TMEM117: variants seen among roughly 807,000 people sequenced by gnomAD.
TMEM117 encodes the protein transmembrane protein 117.
A neutral mutation model predicts 52.4 loss-of-function variants in TMEM117; 27 were observed. The observed-to-expected ratio is 0.51, with a 90% CI of 0.38 to 0.71. The LOEUF is 0.71. TMEM117 is among the 30% of genes least tolerant of loss of function. TMEM117 has a pLI of 0.00. For synonymous variants in TMEM117, 215 were observed against 206.3 expected (o/e 1.04, Z -0.36); for missense variants, 556 against 630.5 (o/e 0.88, Z 1.26).
At chr12:44,152,671 T>G (rs1253924257) in intron 4 of TMEM117, among the ~76,000 whole-genome samples, 2 of 133,232 alleles carry the variant, frequency 1.5e-5, no homozygotes, top group East Asian at 4.3e-4. Flanking sequence ...TCATATATAA[T>G]TTTTATATAT....
chr12:44,060,076 C>T (rs570627050), intron 3 of TMEM117, among the ~76,000 whole-genome samples: 11 of 152,172 alleles, frequency 7.2e-5, no homozygotes, highest in Non-Finnish European at 1.5e-4. Context: ...TATGAAGGCT[C>T]TATCCCTGGA....
intron 2 of TMEM117, among the ~76,000 whole-genome samples, chr12:43,853,321 G>T (rs1310296808): frequency 6.6e-6 from 1 of 152,160 alleles, no homozygotes; most frequent in African/African-American, 2.4e-5. Flanking sequence ...CTGTTGCCAG[G>T]CTGGAGTGCA....
intron 3 of TMEM117, among the ~76,000 whole-genome samples, chr12:44,093,632 T>C (rs1592509572): frequency 6.6e-6 from 1 of 152,236 alleles, no homozygotes; most frequent in Middle Eastern, 3.4e-3. Context: ...TAGGAAGTTA[T>C]AAACCAATCA....
intron 5 of TMEM117, chr12:44,248,588 A>C (rs1950159775): frequency 6.4e-6 from 1 of 156,694 alleles, no homozygotes; most frequent in African/African-American, 2.4e-5. Context: ...GATGTGGCAC[A>C]TGTGGGCTAG....
At chr12:43,906,444 G>T (rs2407783) in intron 2 of TMEM117, among the ~76,000 whole-genome samples, 1 of 150,486 alleles carries the variant, frequency 6.6e-6, no homozygotes, top group Non-Finnish European at 1.5e-5. Context: ...GCCTGGGTGA[G>T]GGAGTGAGAC....
intron 2 of TMEM117, among the ~76,000 whole-genome samples, chr12:43,917,833 C>T (rs1028818057): frequency 3.9e-5 from 6 of 151,998 alleles, no homozygotes; most frequent in Non-Finnish European, 8.8e-5. Context: ...ACCTTACAAT[C>T]CCCTTGTCCT....
rs190354515 is a variant in TMEM117 at position 44,352,358 on chromosome 12, A to C, written c.769-24237A>C. On this transcript the variant is annotated intron_variant, in intron 6 of 7. Transcript: ENST00000266534. ...TGTGCACAACGTGCAGGTTTGTTAC[A>C]TACGTATACCTGTGCCATGTTGGTG... 3.1e-4 allele frequency among the ~76,000 whole-genome samples: 47 copies of C among 152,200 alleles called. 1 individual carries two copies. In the East Asian group the frequency reaches 6.0e-3, roughly 19 times the overall value.
chr12:43,886,690 G>A (rs577489988), intron 2 of TMEM117, among the ~76,000 whole-genome samples: 4 of 152,216 alleles, frequency 2.6e-5, no homozygotes, highest in East Asian at 1.9e-4. Context: ...ATAGGTAAAT[G>A]TGTGTCAAGG....
intron 3 of TMEM117, among the ~76,000 whole-genome samples, chr12:43,949,838 C>T (rs10880600): frequency 0.16 from 24,454 of 151,986 alleles, 2,895 homozygotes; most frequent in African/African-American, 0.32. Context: ...AAATATCTCC[C>T]GGGGAACTGC....
At chr12:44,045,828 G>A (rs1388841412) in intron 3 of TMEM117, among the ~76,000 whole-genome samples, 1 of 152,098 alleles carries the variant, frequency 6.6e-6, no homozygotes, top group Non-Finnish European at 1.5e-5. Context: ...GGGCGACCGT[G>A]CGAGACTCAA....
At chr12:43,951,019 G>A (rs1217285542) in intron 3 of TMEM117, among the ~76,000 whole-genome samples, 1 of 152,168 alleles carries the variant, frequency 6.6e-6, no homozygotes, top group East Asian at 1.9e-4. Flanking sequence ...GCAGGGTGGG[G>A]CATTGCTTCA....
At chr12:44,071,024 T>C (rs374639316) in intron 3 of TMEM117, among the ~76,000 whole-genome samples, 5 of 152,212 alleles carry the variant, frequency 3.3e-5, no homozygotes, top group African/African-American at 1.2e-4. Flanking sequence ...ATATTTCTTA[T>C]AGAAAAACAT....
intron 5 of TMEM117, among the ~76,000 whole-genome samples, chr12:44,267,737 A>G (rs1009987803): frequency 1.3e-5 from 2 of 152,166 alleles, no homozygotes; most frequent in Non-Finnish European, 1.5e-5. Flanking sequence ...TTTTAGATTC[A>G]TCTTATAATT....
rs34633299 is a variant in TMEM117 at position 44,332,712 on chromosome 12, T to TACACACACACACACACAC, written c.768+32993_768+33010dup. 2.4e-4 allele frequency among the ~76,000 whole-genome samples: 34 copies of TACACACACACACACACAC among 143,248 alleles called. 1 individual carries two copies. Among genetic ancestry groups the TACACACACACACACACAC allele is most frequent in the African/African-American group, 8.1e-4 (32 of 39,386 alleles). 94.0% of individuals were successfully genotyped at this position (143,248 alleles called of 152,430 possible). A position where few individuals can be genotyped will look rare whatever the true frequency, so the allele number is the denominator to read the frequency against. ...AACAAATTAAACAAACTACTGTTAC[T>TACACACACACACACACAC]ACACACACACACACACACACACACA... On this transcript the variant is annotated intron_variant, in intron 6 of 7. Transcript: ENST00000266534.
intron 4 of TMEM117, among the ~76,000 whole-genome samples, chr12:44,174,119 C>A (rs1267847874): frequency 1.3e-5 from 2 of 152,044 alleles, no homozygotes; most frequent in African/African-American, 2.4e-5. Flanking sequence ...CCCCAGATTT[C>A]TTTTCTTGAC....
chr12:43,926,924 A>G (rs549531186), intron 2 of TMEM117, among the ~76,000 whole-genome samples: 3 of 151,678 alleles, frequency 2.0e-5, no homozygotes, highest in African/African-American at 7.2e-5. Flanking sequence ...TGACTTAATT[A>G]TTTTTTCGTA....
At chr12:43,853,103 T>A (rs1943339222) in intron 2 of TMEM117, among the ~76,000 whole-genome samples, 1 of 152,234 alleles carries the variant, frequency 6.6e-6, no homozygotes, top group South Asian at 2.1e-4. Context: ...TAATGTTTCA[T>A]TAATGTCTGA....
intron 6 of TMEM117, among the ~76,000 whole-genome samples, chr12:44,357,159 G>C (rs890819136): frequency 6.6e-6 from 1 of 152,094 alleles, no homozygotes; most frequent in Non-Finnish European, 1.5e-5. Flanking sequence ...TTTCAACAGA[G>C]AACAAAATCA....
chr12:44,277,733 A>G (rs1319723487), intron 5 of TMEM117, among the ~76,000 whole-genome samples: 6 of 140,434 alleles, frequency 4.3e-5, no homozygotes, highest in African/African-American at 1.6e-4. Context: ...TGCTGCATCT[A>G]CTGCCACTAG....
Sources: gnomAD v4.1 joint callset for allele counts (sites outside exome capture counted in the v4.1 genomes callset) on GRCh38, gnomAD v4.1.1 for gene constraint, MANE v1.5 for transcripts, NCBI Gene and HGNC (gene_info 2026-07-23, HGNC 2026-07-21) for gene names.